CEP83: variants seen among roughly 807,000 people sequenced by gnomAD.
CEP83 encodes centrosomal protein 83, also known as centrosomal protein of 83 kDa.
In CEP83, 70 loss-of-function variants were observed where a neutral mutation model predicts 101.9. The observed-to-expected ratio is 0.69, with a 90% confidence interval of 0.57 to 0.84. The LOEUF (loss-of-function observed/expected upper bound fraction) is 0.84, where lower values mean the gene tolerates loss of function less well. CEP83 is among the 40% of genes least tolerant of loss of function. CEP83 has a pLI of 0.00. For missense variants in CEP83, 715 were observed against 787.2 expected (o/e 0.91, Z 1.10); for synonymous variants, 264 against 267.9 (o/e 0.99, Z 0.14).
the CEP83 span, among the ~76,000 whole-genome samples, chr12:94,292,851 G>A: frequency 0.026 from 3,924 of 152,104 alleles, 186 homozygotes; most frequent in African/African-American, 0.09. Flanking sequence ...TTGAATTTTC[G>A]GATTAGGGAT....
intron 6 of CEP83, among the ~76,000 whole-genome samples, chr12:94,394,779 AAAAC>A (rs1291628685): frequency 6.6e-6 from 1 of 152,220 alleles, no homozygotes; most frequent in African/African-American, 2.4e-5. Context: ...TTACAAGAAA[AAAAC>A]AAACAACTCC....
chr12:94,375,762 C>T (rs2061501137), intron 8 of CEP83, 124 bp downstream of exon 8: 1 of 503,056 alleles, frequency 2.0e-6, no homozygotes, highest in Non-Finnish European at 3.2e-6. Flanking sequence ...GTATTTATTT[C>T]TTAGAAGGCA....
downstream of CEP83, among the ~76,000 whole-genome samples, chr12:94,304,534 A>G (rs1380754300): frequency 3.3e-5 from 5 of 152,190 alleles, no homozygotes; most frequent in South Asian, 2.1e-4. Flanking sequence ...TGGAAATTCA[A>G]ACAGACACAT....
chr12:94,351,425 T>C (rs2060193495), intron 11 of CEP83, among the ~76,000 whole-genome samples: 1 of 152,174 alleles, frequency 6.6e-6, no homozygotes, highest in Non-Finnish European at 1.5e-5. Flanking sequence ...CTGAAATACA[T>C]GCTGCCATGG....
In CEP83 at chr12:94,331,791, T is replaced by C; in HGVS notation, c.1616A>G (p.Lys539Arg). The C allele has an allele frequency of 6.2e-7, 1 of 1,613,006 alleles. No homozygotes were observed. The highest frequency in any genetic ancestry group is 8.5e-7 in the Non-Finnish European group (1 of 1,178,924). Residue 539 changes from lysine (K) to arginine (R), a missense_variant, in exon 14 of 17, where the codon AAG (lysine) becomes AGG (arginine). Transcript: ENST00000397809. ...TGTGATACGCTCATGAAGCTTATGC[T>C]TTTCTTCCAACCACTGTATCTGTTT... Reference protein sequence around the residue: ...EEKQIQWLEEKHKLHERITDR... With the variant: ...EEKQIQWLEERHKLHERITDR...
At chr12:94,312,556 G>C (rs2136293888) in intron 15 of CEP83, 1 of 985,212 alleles carries the variant, frequency 1.0e-6, no homozygotes, top group East Asian at 1.1e-4. Flanking sequence ...CTCCACACCA[G>C]GAAACCAAAA....
the CEP83 span, among the ~76,000 whole-genome samples, chr12:94,300,167 G>C: frequency 6.6e-6 from 1 of 152,190 alleles, no homozygotes; most frequent in Non-Finnish European, 1.5e-5. Flanking sequence ...CATTCTAATA[G>C]TTGGGGACAG....
chr12:94,354,095 A>C lies in CEP83; in HGVS notation c.1343+13699T>G, dbSNP rs150858823. Among the ~76,000 whole-genome samples the C allele has an allele frequency of 1.7e-3, 260 of 152,306 alleles. 2 individuals carry two copies. The East Asian group carries it at 0.027, about 16-fold the overall frequency. The stretch of plus-strand genomic sequence containing the variant: ...GCATTAGAGAGATCACCTAGAAAGA[A>C]ACATAGATTTAAACTACACTGTAGA... On this transcript the variant is annotated intron_variant, in intron 11 of 16. Coordinates refer to ENST00000397809, the MANE Select transcript of CEP83 (RefSeq NM_016122.3).
At chr12:94,339,372 C>A (rs1391352900) in intron 11 of CEP83, among the ~76,000 whole-genome samples, 5 of 152,176 alleles carry the variant, frequency 3.3e-5, no homozygotes, top group African/African-American at 1.2e-4. Context: ...TCTGATAGAA[C>A]TTTCTTTGAT....
chr12:94,300,677 A>T, the CEP83 span, among the ~76,000 whole-genome samples: 1 of 152,202 alleles, frequency 6.6e-6, no homozygotes, highest in African/African-American at 2.4e-5. Flanking sequence ...ATTCTTGCCC[A>T]TGGCCACTTT....
chr12:94,427,634 G>T (rs957368060), intron 2 of CEP83, among the ~76,000 whole-genome samples: 5 of 152,136 alleles, frequency 3.3e-5, no homozygotes, highest in Admixed American at 3.3e-4. Context: ...TGATGCTCAT[G>T]GAAAGCTTCC....
At chr12:94,292,783 G>A in the CEP83 span, among the ~76,000 whole-genome samples, 1 of 152,152 alleles carries the variant, frequency 6.6e-6, no homozygotes, top group South Asian at 2.1e-4. Context: ...TTCAGGTGCC[G>A]AATTTTCCAC....
the CEP83 span, among the ~76,000 whole-genome samples, chr12:94,265,710 G>A: frequency 1.3e-5 from 2 of 152,174 alleles, no homozygotes; most frequent in Non-Finnish European, 2.9e-5. Flanking sequence ...AGTTACAAAT[G>A]TTTGGTGTCA....
At chr12:94,303,748 T>TCC, downstream of CEP83, 1 of 1,407,270 alleles carries the variant, frequency 7.1e-7, no homozygotes, top group African/African-American at 1.5e-5. Flanking sequence ...TTTTTTTTTT[T>TCC]TCCCCAGGAA....
chr12:94,378,624 G>C (rs558273859), intron 7 of CEP83, among the ~76,000 whole-genome samples, 167 bp downstream of exon 7: 3 of 152,268 alleles, frequency 2.0e-5, no homozygotes, highest in South Asian at 2.1e-4. Context: ...TATTGCTTAT[G>C]AATCAATAGC....
chr12:94,393,613 G>A (rs1309656042), intron 6 of CEP83, among the ~76,000 whole-genome samples: 3 of 152,130 alleles, frequency 2.0e-5, no homozygotes, highest in African/African-American at 4.8e-5. Flanking sequence ...AGTGTTGGAC[G>A]TTCTGGCCAG....
intron 14 of CEP83, among the ~76,000 whole-genome samples, chr12:94,317,889 T>C (rs938728749): frequency 6.6e-6 from 1 of 152,170 alleles, no homozygotes; most frequent in Admixed American, 6.5e-5. Flanking sequence ...TGGCATAGGA[T>C]TGCTGTGGCT....
chr12:94,362,903 G>A (rs1273988303), intron 11 of CEP83, among the ~76,000 whole-genome samples: 2 of 151,884 alleles, frequency 1.3e-5, no homozygotes, highest in Non-Finnish European at 2.9e-5. Context: ...CAAGTATGGA[G>A]GACAATTGTT....
At chr12:94,373,006 T>C (rs916333561) in intron 8 of CEP83, among the ~76,000 whole-genome samples, 3 of 152,222 alleles carry the variant, frequency 2.0e-5, no homozygotes, top group African/African-American at 7.2e-5. Flanking sequence ...ATAATAGCAC[T>C]TTTCTATGAG....
Sources: allele counts gnomAD v4.1 joint callset (sites outside exome capture counted in the v4.1 genomes callset), GRCh38; gene constraint gnomAD v4.1.1; transcripts MANE v1.5; gene names NCBI Gene and HGNC (gene_info 2026-07-23, HGNC 2026-07-21).